Variants in BCAS3 observed in about 807,000 individuals in gnomAD.
The protein encoded by BCAS3 is BCAS4/BCAS3 fusion.
Under a neutral mutation model 116.1 loss-of-function variants are expected in BCAS3, and 53 were observed. That is an observed-to-expected ratio of 0.46 (90% CI 0.37 to 0.57). The LOEUF (loss-of-function observed/expected upper bound fraction) is 0.57, where lower values mean the gene tolerates loss of function less well. BCAS3 is among the 20% of genes least tolerant of loss of function. The pLI is 0.00. For synonymous variants in BCAS3, 391 were observed against 408.2 expected, an observed-to-expected ratio of 0.96 and a Z score of 0.51; for missense variants, 917 against 1,165.4, an observed-to-expected ratio of 0.79 and a Z score of 3.10.
At chr17:61,260,168 C>T (rs1041403317) in intron 22 of BCAS3, among the ~76,000 whole-genome samples, 3 of 152,160 alleles carry the variant, frequency 2.0e-5, no homozygotes, top group Non-Finnish European at 4.4e-5. Context: ...GCTCAAAATG[C>T]CCCTGAAACT....
intron 13 of BCAS3, among the ~76,000 whole-genome samples, chr17:60,944,970 G>A: frequency 6.6e-6 from 1 of 152,044 alleles, no homozygotes; most frequent in Non-Finnish European, 1.5e-5. Flanking sequence ...AATGCAGTAA[G>A]TCGAGAAAAT....
chr17:61,176,759 GTATA>G (rs1320451034), intron 22 of BCAS3, among the ~76,000 whole-genome samples: 2 of 151,966 alleles, frequency 1.3e-5, no homozygotes, highest in Non-Finnish European at 2.9e-5. Flanking sequence ...GGGTCCCACT[GTATA>G]GTGCCCAGGC....
At chr17:60,797,765 T>A (rs1299079951) in intron 6 of BCAS3, among the ~76,000 whole-genome samples, 5 of 152,168 alleles carry the variant, frequency 3.3e-5, no homozygotes, top group Non-Finnish European at 7.3e-5. Context: ...CTCACACTTA[T>A]CAGTGAGAAC....
chr17:60,792,016 A>G (rs1308687120), intron 6 of BCAS3, among the ~76,000 whole-genome samples: 1 of 152,102 alleles, frequency 6.6e-6, no homozygotes, highest in East Asian at 1.9e-4. Flanking sequence ...CCAGCTACTC[A>G]GGAGGCCGAG....
At chr17:61,267,893 C>A (rs1435986980) in intron 22 of BCAS3, among the ~76,000 whole-genome samples, 1 of 152,058 alleles carries the variant, frequency 6.6e-6, no homozygotes, top group Non-Finnish European at 1.5e-5. Flanking sequence ...CGTCCGAGAA[C>A]CTGTCCTATA....
At chr17:60,756,021 T>C (rs1457751061) in intron 6 of BCAS3, among the ~76,000 whole-genome samples, 1 of 152,182 alleles carries the variant, frequency 6.6e-6, no homozygotes, top group Non-Finnish European at 1.5e-5. Flanking sequence ...ACTCTGCTAT[T>C]GAATATTGAG....
Position 61,130,351 on chromosome 17 carries a change from TATTA to T in BCAS3, c.2425+45791_2425+45794del, listed in dbSNP as rs1436986242. On this transcript the variant is annotated intron_variant, in intron 22 of 23. Transcript: ENST00000407086. The surrounding 1 kb of genome is among the most constrained non-coding windows in gnomAD (Gnocchi z 5.0). ...GAGAAATTCATCTGTACAATTTTCTTATTAATTCTCGTATCCAAAAGAACCACAA... is the reference window on the plus strand; with the variant it reads ...GAGAAATTCATCTGTACAATTTTCTTATTCTCGTATCCAAAAGAACCACAA... 1.3e-5 allele frequency among the ~76,000 whole-genome samples: 2 copies of T among 152,226 alleles called. No individual in the cohort carries two copies. Among genetic ancestry groups the T allele is most frequent in the African/African-American group, 4.8e-5 (2 of 41,454 alleles).
rs1243656201 is a variant in BCAS3, at chr17:61,124,102, ATTAT to A, written c.2425+39542_2425+39545del. Among the ~76,000 whole-genome samples the A allele has an allele frequency of 2.0e-5, 3 of 151,870 alleles. No individual in the cohort carries two copies. Among genetic ancestry groups the A allele is most frequent in the Admixed American group, 2.0e-4 (3 of 15,248 alleles). On this transcript the variant is annotated intron_variant, in intron 22 of 23. Coordinates refer to ENST00000407086, the MANE Select transcript of BCAS3 (RefSeq NM_017679.5). The surrounding 1 kb of genome is among the most constrained non-coding windows in gnomAD (Gnocchi z 4.6). Reference sequence around the variant, plus strand: ...TATATATATACATATATATGTTTTTATTATTTAACATTTGGAGGGAAGTCAGATA... The same window carrying A: ...TATATATATACATATATATGTTTTTATTAACATTTGGAGGGAAGTCAGATA...
chr17:60,700,527 G>C (rs547064897), intron 4 of BCAS3, among the ~76,000 whole-genome samples: 1 of 152,346 alleles, frequency 6.6e-6, no homozygotes, highest in Admixed American at 6.5e-5. Flanking sequence ...GCAGATACTA[G>C]TTGAAGTAAT....
intron 10 of BCAS3, among the ~76,000 whole-genome samples, chr17:60,895,437 G>A (rs1024804774): frequency 6.6e-6 from 1 of 151,810 alleles, no homozygotes; most frequent in African/African-American, 2.4e-5. Flanking sequence ...GTTTATCTGG[G>A]TCTTTCCTTT....
chr17:61,267,601 G>A (rs2049845608), intron 22 of BCAS3, among the ~76,000 whole-genome samples: 1 of 148,414 alleles, frequency 6.7e-6, no homozygotes, highest in Non-Finnish European at 1.5e-5. Flanking sequence ...GCTGGGCATG[G>A]TGATGTGTGC....
At chr17:61,108,771 T>A (rs566244275) in intron 22 of BCAS3, among the ~76,000 whole-genome samples, 1 of 152,286 alleles carries the variant, frequency 6.6e-6, no homozygotes, top group South Asian at 2.1e-4. Context: ...CCTCACTCTT[T>A]CCCCTGAGTC....
intron 22 of BCAS3, among the ~76,000 whole-genome samples, chr17:61,234,906 G>A (rs1254421719): frequency 9.5e-6 from 1 of 104,950 alleles, no homozygotes; most frequent in East Asian, 4.1e-4. Context: ...TTTATTTATT[G>A]AGACGGAGTC....
Position 61,282,812 on chromosome 17 carries a change from A to AT in BCAS3, c.2426-85509dup, listed in dbSNP as rs1321864713. Among the ~76,000 whole-genome samples the AT allele has an allele frequency of 6.6e-6, 1 of 152,048 alleles. No individual in the cohort carries two copies. Among genetic ancestry groups the AT allele is most frequent in the Non-Finnish European group, 1.5e-5 (1 of 68,014 alleles). ...TCTACCCAAAATGTGAATTTTAAACATTTTTTATCCAGATAATTTTTTCAC... is the reference window on the plus strand; with the variant it reads ...TCTACCCAAAATGTGAATTTTAAACATTTTTTTATCCAGATAATTTTTTCAC... On this transcript the variant is annotated intron_variant, in intron 22 of 23. Coordinates refer to ENST00000407086, the MANE Select transcript of BCAS3 (RefSeq NM_017679.5). The surrounding 1 kb of genome is among the most constrained non-coding windows in gnomAD (Gnocchi z 5.9).
intron 12 of BCAS3, among the ~76,000 whole-genome samples, chr17:60,913,042 A>T (rs2058598587): frequency 6.6e-6 from 1 of 152,018 alleles, no homozygotes; most frequent in African/African-American, 2.4e-5. Context: ...ATGTGGTTTA[A>T]TTTTTTTCTT....
intron 22 of BCAS3, among the ~76,000 whole-genome samples, chr17:61,142,351 C>T (rs1226412366): frequency 6.6e-6 from 1 of 152,140 alleles, no homozygotes; most frequent in Admixed American, 6.5e-5. Context: ...GATGTGGCCC[C>T]AGTTTTGGTA....
chr17:60,839,349 G>A (rs952184477), intron 7 of BCAS3, among the ~76,000 whole-genome samples: 5 of 151,762 alleles, frequency 3.3e-5, no homozygotes, highest in Admixed American at 6.6e-5. Context: ...ATGTCTTTGC[G>A]TCTTATGTTG....
At position 61,243,334 on chromosome 17, in the gene BCAS3, C is replaced by G. The variant is rs1393329551; in HGVS notation, c.2426-124993C>G. Reference sequence around the variant, plus strand: ...TCTTATTTAAAGCTGAGTAATATTCCATTGTGTCTATATACTATATTTTCT... The same window carrying G: ...TCTTATTTAAAGCTGAGTAATATTCGATTGTGTCTATATACTATATTTTCT... On this transcript the variant is annotated intron_variant, in intron 22 of 23. Coordinates refer to ENST00000407086, the MANE Select transcript of BCAS3 (RefSeq NM_017679.5). This position sits in a 1 kb window ranked among gnomAD's most constrained non-coding sequence, Gnocchi z 5.6. Among the ~76,000 whole-genome samples the G allele has an allele frequency of 2.0e-5, 3 of 152,270 alleles. No homozygotes were observed. Among genetic ancestry groups the G allele is most frequent in the African/African-American group, 7.2e-5 (3 of 41,542 alleles).
In BCAS3 at chr17:60,972,444, CTTTTTTT is replaced by C. The variant is rs150860541; in HGVS notation, c.1222-17511_1222-17505del. ...ATGTTGGGCTTTTATCTCACTTGGC[CTTTTTTT>C]TTTTTTTTTTTTTTTGAGACAGGGT... On this transcript the variant is annotated intron_variant, in intron 14 of 23. Transcript: ENST00000407086. Among the ~76,000 whole-genome samples the C allele has an allele frequency of 4.4e-5, 5 of 114,126 alleles. No homozygotes were observed. The South Asian group carries it at 8.1e-4, about 18-fold the overall frequency. 74.9% of individuals were successfully genotyped at this position (114,126 alleles called of 152,430 possible).
Sources: gnomAD v4.1 joint callset for allele counts (sites outside exome capture counted in the v4.1 genomes callset) on GRCh38, gnomAD v4.1.1 for gene constraint, Gnocchi (gnomAD v3.1) non-coding constraint, MANE v1.5 for transcripts, NCBI Gene and HGNC (gene_info 2026-07-23, HGNC 2026-07-21) for gene names.